The following CD48 variants were observed in gnomAD, a reference collection of about 807,000 sequenced individuals.
CD48 encodes the protein CD48 antigen.
A neutral mutation model predicts 22.0 loss-of-function variants in CD48; 20 were observed. The ratio of observed to expected loss-of-function variants is 0.91; its 90% CI spans 0.64 to 1.32. CD48 has a LOEUF of 1.32. CD48 is among the 40% of genes most tolerant of loss of function. The pLI is 0.00. For missense variants in CD48, 307 were observed against 286.5 expected, an observed-to-expected ratio of 1.07 and a Z score of -0.52; for synonymous variants, 110 against 110.1, an observed-to-expected ratio of 1.00 and a Z score of 0.01.
chr1:160,688,447 A>G (rs56002868), intron 1 of CD48, among the ~76,000 whole-genome samples: 2,453 of 152,314 alleles, frequency 0.016, 64 homozygotes, highest in African/African-American at 0.057. Flanking sequence ...ATACAAGTGT[A>G]TAGATGACAA....
intron 1 of CD48, among the ~76,000 whole-genome samples, chr1:160,702,404 A>G (rs1662657626): frequency 6.6e-6 from 1 of 152,088 alleles, no homozygotes; most frequent in Non-Finnish European, 1.5e-5. Context: ...GACTGCCTGA[A>G]GTGGAAACGC....
chr1:160,685,312 T>C, intron 1 of CD48, 123 bp from the exon 2 acceptor site: 1 of 715,586 alleles, frequency 1.4e-6, no homozygotes, highest in Non-Finnish European at 2.3e-6. Context: ...GAGCAGTGAG[T>C]ATGGTTTTCA....
chr1:160,700,074 C>G (rs1205712019), intron 1 of CD48, among the ~76,000 whole-genome samples: 2 of 152,092 alleles, frequency 1.3e-5, no homozygotes, highest in Non-Finnish European at 2.9e-5. Context: ...CAGCAATTAA[C>G]TCCGCCTTTT....
chr1:160,690,958 A>T (rs1052207240), intron 1 of CD48, among the ~76,000 whole-genome samples: 7 of 152,176 alleles, frequency 4.6e-5, no homozygotes, highest in Non-Finnish European at 1.0e-4. Context: ...TGTCAAACTC[A>T]GGGTTAAATG....
intron 1 of CD48, among the ~76,000 whole-genome samples, chr1:160,703,910 A>G (rs905960247): frequency 1.3e-5 from 2 of 152,142 alleles, no homozygotes; most frequent in Non-Finnish European, 2.9e-5. Flanking sequence ...GCGAGTGGGT[A>G]GTGTGGAGTG....
chr1:160,700,979 A>G (rs756324867), intron 1 of CD48, among the ~76,000 whole-genome samples: 1 of 151,980 alleles, frequency 6.6e-6, no homozygotes, highest in Non-Finnish European at 1.5e-5. Context: ...CATCAATATA[A>G]TGATGAATAT....
intron 1 of CD48, among the ~76,000 whole-genome samples, chr1:160,701,930 A>G (rs1662643365): frequency 6.6e-6 from 1 of 152,158 alleles, no homozygotes; most frequent in Non-Finnish European, 1.5e-5. Context: ...GCCGTTGTTT[A>G]GAAATTACAT....
chr1:160,681,051 T>A, intron 3 of CD48, 151 bp downstream of exon 3: 1 of 1,503,320 alleles, frequency 6.7e-7, no homozygotes, highest in Non-Finnish European at 8.9e-7. Flanking sequence ...GTAGAGCTGG[T>A]GGCAGAACCC....
chr1:160,679,171 A>T (rs376135927), intron 3 of CD48, 40 bp from the exon 4 acceptor site: 2 of 1,511,136 alleles, frequency 1.3e-6, no homozygotes, highest in South Asian at 1.1e-5. Context: ...AGGTATCTTT[A>T]TCTTGACTAA....
intron 1 of CD48, among the ~76,000 whole-genome samples, chr1:160,704,094 G>C (rs998650747): frequency 1.3e-5 from 2 of 152,176 alleles, no homozygotes; most frequent in African/African-American, 4.8e-5. Context: ...CAAGTTATTA[G>C]AAGGTAACAA....
intron 1 of CD48, chr1:160,686,542 A>G (rs540613671): frequency 1.3e-5 from 2 of 152,232 alleles, no homozygotes; most frequent in South Asian, 2.1e-4. Context: ...GGATACATCA[A>G]TGAACTAAGC....
At chr1:160,690,325 C>A (rs1662164189) in intron 1 of CD48, among the ~76,000 whole-genome samples, 1 of 152,194 alleles carries the variant, frequency 6.6e-6, no homozygotes, top group South Asian at 2.1e-4. Flanking sequence ...TCTACTGAGA[C>A]ATGCACATAT....
chr1:160,683,379 G>A (rs1380487233), intron 2 of CD48: 1 of 152,156 alleles, frequency 6.6e-6, no homozygotes, highest in Non-Finnish European at 1.5e-5. Flanking sequence ...ATGTGCTGAA[G>A]CCCAAGCCAG....
chr1:160,688,590 T>A (rs1480937336), intron 1 of CD48, among the ~76,000 whole-genome samples: 3 of 152,208 alleles, frequency 2.0e-5, no homozygotes, highest in Non-Finnish European at 4.4e-5. Flanking sequence ...TCTGGGTCTA[T>A]GTTGATACTG....
At chr1:160,693,396 A>T (rs1478399425) in intron 1 of CD48, among the ~76,000 whole-genome samples, 1 of 152,220 alleles carries the variant, frequency 6.6e-6, no homozygotes. Context: ...GCAGGATCAG[A>T]TGTAATCTCA....
chr1:160,685,603 A>G lies in CD48; in HGVS notation c.83-414T>C, dbSNP rs185407388. Reference sequence around the variant, plus strand: ...TGTTAGTCCCTAGAGGCATAGACATAAAAAGTACATGATTCTGTTTAAAAA... The same window carrying G: ...TGTTAGTCCCTAGAGGCATAGACATGAAAAGTACATGATTCTGTTTAAAAA... On this transcript the variant is annotated intron_variant, in intron 1 of 3. Coordinates refer to ENST00000368046, the MANE Select transcript of CD48 (RefSeq NM_001778.4). Among the ~76,000 whole-genome samples the G allele has an allele frequency of 2.0e-5, 3 of 152,334 alleles. No individual in the cohort carries two copies. The East Asian group carries it at 5.8e-4, about 29-fold the overall frequency.
intron 1 of CD48, among the ~76,000 whole-genome samples, chr1:160,710,989 C>T (rs1378192404): frequency 6.6e-6 from 1 of 152,146 alleles, no homozygotes; most frequent in Non-Finnish European, 1.5e-5. Flanking sequence ...AAGAGAGGTA[C>T]TGGATGAAGA....
chr1:160,694,747 G>T (rs1055244835), intron 1 of CD48, among the ~76,000 whole-genome samples: 2 of 152,048 alleles, frequency 1.3e-5, no homozygotes, highest in East Asian at 1.9e-4. Flanking sequence ...AAGGAACAGG[G>T]TATCCTTTTT....
chr1:160,709,991 C>T (rs1004008499), intron 1 of CD48, among the ~76,000 whole-genome samples: 2 of 152,028 alleles, frequency 1.3e-5, no homozygotes, highest in African/African-American at 4.8e-5. Flanking sequence ...GAAGAAGTCA[C>T]ATAAAAACAG....
Sources: allele counts gnomAD v4.1 joint callset (sites outside exome capture counted in the v4.1 genomes callset), GRCh38; gene constraint gnomAD v4.1.1; transcripts MANE v1.5; gene names NCBI Gene and HGNC (gene_info 2026-07-23, HGNC 2026-07-21).